The following SMG5 variants were observed in gnomAD, a reference collection of about 807,000 sequenced individuals.
The protein encoded by SMG5 is SMG5 nonsense mediated mRNA decay factor.
A neutral mutation model predicts 122.9 loss-of-function variants in SMG5; 53 were observed. The ratio of observed to expected loss-of-function variants is 0.43; its 90% CI spans 0.35 to 0.54. SMG5 has a LOEUF of 0.54. Among genes scored for constraint, SMG5 ranks in the 20% least tolerant of loss-of-function variants. The pLI, the probability that SMG5 is intolerant of heterozygous loss-of-function variation, is 0.01. For synonymous variants in SMG5, 477 were observed against 490.2 expected (o/e 0.97, Z 0.35); for missense variants, 1,153 against 1,285.6 (o/e 0.90, Z 1.58).
At chr1:156,272,282 C>G in intron 7 of SMG5, 38 bp downstream of exon 7, 2 of 1,552,922 alleles carry the variant, frequency 1.3e-6, no homozygotes, top group Non-Finnish European at 1.8e-6. Flanking sequence ...AATATGCACA[C>G]AAAAGCAGGG....
At chr1:156,276,639 T>C (rs1162229247) in intron 4 of SMG5, among the ~76,000 whole-genome samples, 2 of 152,238 alleles carry the variant, frequency 1.3e-5, no homozygotes, top group Admixed American at 6.5e-5. Flanking sequence ...ATTAAAATTA[T>C]AGCTGCCAGT....
At chr1:156,286,106 C>G, upstream of SMG5, 13 of 1,431,516 alleles carry the variant, frequency 9.1e-6, no homozygotes, top group South Asian at 1.0e-4. Flanking sequence ...CTCCCACCCC[C>G]TGCCAGTCTG....
At chr1:156,270,330 G>A (rs1558241965) in intron 7 of SMG5, among the ~76,000 whole-genome samples, 2 of 152,170 alleles carry the variant, frequency 1.3e-5, no homozygotes, top group Non-Finnish European at 2.9e-5. Flanking sequence ...CACTGTTGGA[G>A]CCTTGAGCCA....
At position 156,249,909 on chromosome 1, in the gene SMG5, C is replaced by T. The variant is rs1558229593; in HGVS notation, c.*678G>A. 4.2e-6 allele frequency: 2 copies of T among 471,194 alleles called. No individual in the cohort carries two copies. The highest frequency in any genetic ancestry group is 2.3e-5 in the Admixed American group (1 of 42,582). 29.2% of individuals were successfully genotyped at this position (471,194 alleles called of 1,614,324 possible). ...CCTGCTCCCTGCCCTGGAAGCTAGA[C>T]AGAGGGAGACACAAAGCAGAAGTGG... On this transcript the variant is annotated 3_prime_UTR_variant, in exon 22 of 22. Transcript: ENST00000361813.
chr1:156,258,925 G>A (rs181229440), intron 16 of SMG5, 80 bp downstream of exon 16: 18 of 1,555,784 alleles, frequency 1.2e-5, no homozygotes, highest in Middle Eastern at 1.7e-4. Flanking sequence ...GAGACCACCA[G>A]AGGGTCTGAG....
In SMG5 at chr1:156,282,622, G is replaced by A. The variant is rs769639682; in HGVS notation, c.59C>T (p.Thr20Ile). 43 of 1,609,092 alleles carry A rather than the reference G, an allele frequency of 2.7e-5. No homozygotes were observed. The highest frequency in any genetic ancestry group is 3.5e-5 in the Non-Finnish European group (41 of 1,179,696). Reference protein sequence around the residue: ...SSEPEAKVLHTKRLYRAVVEA... With the variant: ...SSEPEAKVLHIKRLYRAVVEA... ...CCCCTCTCACCGGTAAAGCCGCTTA[G>A]TGTGGAGGACTTTTGCTTCGGGCTC... Residue 20 changes from threonine to isoleucine, a missense_variant, in exon 1 of 22, where the codon ACT becomes ATT. Physicochemically the swap from Thr to Ile is moderately conservative, Grantham distance 89. Around this residue, in one of 5 missense-constraint regions of SMG5, gnomAD observed 213 missense variants for 197.5 expected, o/e 1.08. Transcript: ENST00000361813.
rs748631286 is a variant in SMG5, at chr1:156,250,885, G to T, written c.2940C>A (p.Asn980Lys). The T allele has an allele frequency of 6.2e-7, 1 of 1,613,968 alleles. No homozygotes were observed. Among genetic ancestry groups the T allele is most frequent in the Non-Finnish European group, 8.5e-7 (1 of 1,179,894 alleles). ...VTIITGLPLD[N>K]PSVLSGPMQA... ...GCATGGGGCCTGAAAGCACGCTGGG[G>T]TTGTCCAGTGGAAGGCCTGTGATGA... Residue 980 changes from asparagine (N) to lysine (K), a missense_variant, in exon 21 of 22, where the codon AAC (asparagine) becomes AAA (lysine). Physicochemically the swap from Asn to Lys is moderately conservative, Grantham distance 94. Around this residue, in one of 5 missense-constraint regions of SMG5, gnomAD observed 84 missense variants for 82.3 expected, o/e 1.02. Transcript: ENST00000361813.
chr1:156,274,666 C>G lies in SMG5; in HGVS notation c.475G>C (p.Ala159Pro). 1 of 1,613,900 alleles carries G rather than the reference C, an allele frequency of 6.2e-7. No homozygotes were observed. Among genetic ancestry groups the G allele is most frequent in the Non-Finnish European group, 8.5e-7 (1 of 1,179,842 alleles). Residue 159 changes from alanine to proline, a missense_variant, in exon 5 of 22, where the codon GCC becomes CCC. Ala to Pro is a conservative substitution (Grantham distance 27). Around this residue, in one of 5 missense-constraint regions of SMG5, gnomAD observed 213 missense variants for 197.5 expected, o/e 1.08. Coordinates refer to ENST00000361813, the MANE Select transcript of SMG5 (RefSeq NM_015327.3). ...PLIGCKKPVS[A>P]SGKEMDWAQM... ...GCCCAATCCATCTCCTTCCCTGAGG[C>G]AGACACTGGCTTCTTGCATCCTATG...
Position 156,279,695 on chromosome 1 carries a change from T to A in SMG5, c.75-661A>T, listed in dbSNP as rs182463751. Among the ~76,000 whole-genome samples, 189 of 152,298 alleles carry A rather than the reference T, an allele frequency of 1.2e-3. 1 individual carries two copies. Among genetic ancestry groups the A allele is most frequent in the African/African-American group, 4.3e-3 (180 of 41,546 alleles). On this transcript the variant is annotated intron_variant, in intron 1 of 21. Coordinates refer to ENST00000361813, the MANE Select transcript of SMG5 (RefSeq NM_015327.3). ...TAAATTATTACATAAGGCCTTATTATCCCTGACATAAAGGAAAGACACTTC... is the reference window on the plus strand; with the variant it reads ...TAAATTATTACATAAGGCCTTATTAACCCTGACATAAAGGAAAGACACTTC...
intron 5 of SMG5, among the ~76,000 whole-genome samples, chr1:156,274,177 A>C (rs948319990): frequency 1.3e-5 from 2 of 151,774 alleles, no homozygotes; most frequent in Non-Finnish European, 2.9e-5. Flanking sequence ...TATAAAGCAA[A>C]AGAGTACTTT....
In SMG5 at chr1:156,249,799, G is replaced by A. The variant is rs999857498; in HGVS notation, c.*788C>T. On this transcript the variant is annotated 3_prime_UTR_variant, in exon 22 of 22. Transcript: ENST00000361813. ...CATTCTGTCCCAGCACAGCAGCCAAGAGCACAAAGCACAGCACCTGTGGGG... is the reference window on the plus strand; with the variant it reads ...CATTCTGTCCCAGCACAGCAGCCAAAAGCACAAAGCACAGCACCTGTGGGG... 35 of 471,120 alleles carry A rather than the reference G, an allele frequency of 7.4e-5. No individual in the cohort carries two copies. Among genetic ancestry groups the A allele is most frequent in the Non-Finnish European group, 1.4e-4 (32 of 227,074 alleles). 29.2% of individuals were successfully genotyped at this position (471,120 alleles called of 1,614,324 possible).
intron 7 of SMG5, among the ~76,000 whole-genome samples, chr1:156,269,822 C>T (rs1219616783): frequency 6.6e-6 from 1 of 152,176 alleles, no homozygotes; most frequent in Non-Finnish European, 1.5e-5. Flanking sequence ...TTGCAGCGAG[C>T]TGAGATCGCG....
chr1:156,286,211 C>T (rs375273737), upstream of SMG5: 2 of 1,582,038 alleles, frequency 1.3e-6, no homozygotes, highest in Non-Finnish European at 1.7e-6. Flanking sequence ...GCCTCTTGTG[C>T]CCTTCCCCTG....
intron 7 of SMG5, among the ~76,000 whole-genome samples, chr1:156,271,463 A>G (rs1300630203): frequency 6.6e-6 from 1 of 152,018 alleles, no homozygotes; most frequent in Non-Finnish European, 1.5e-5. Flanking sequence ...CATTCCAGGT[A>G]AAGTATTCTG....
chr1:156,285,942 C>A (rs770055232), upstream of SMG5: 20 of 1,612,442 alleles, frequency 1.2e-5, no homozygotes, highest in Middle Eastern at 1.6e-4. Context: ...CTGATCTACA[C>A]ACTGCGCTGC....
intron 16 of SMG5, 137 bp from the exon 17 acceptor site, chr1:156,253,645 GGGA>G: frequency 1.3e-6 from 1 of 765,344 alleles, no homozygotes; most frequent in Non-Finnish European, 2.3e-6. Flanking sequence ...GCTGAATGAG[GGGA>G]GGAGAGGCAT....
At chr1:156,272,254 G>A (rs752498186) in intron 7 of SMG5, 66 bp downstream of exon 7, 27 of 1,424,896 alleles carry the variant, frequency 1.9e-5, no homozygotes, top group Middle Eastern at 1.7e-4. Context: ...AAGGGAAGAC[G>A]GAAAACAAAG....
At position 156,263,475 on chromosome 1, in the gene SMG5, C is replaced by T. The variant is rs765159037; in HGVS notation, c.1951G>A (p.Ala651Thr). Residue 651 changes from alanine to threonine, a missense_variant, in exon 13 of 22, where the codon GCC becomes ACC. Around this residue, in one of 5 missense-constraint regions of SMG5, gnomAD observed 631 missense variants for 650.6 expected, o/e 0.97. Transcript: ENST00000361813. ...TTCACAGCAGGAAGCAGACCTTCGG[C>T]CATCAGGACCTGAAGCTTCTCCTGG... ...SIQEKLQVLM[A>T]EGLLPAVKVF... 20 of 1,614,268 alleles carry T rather than the reference C, an allele frequency of 1.2e-5. No homozygotes were observed. The East Asian group carries it at 1.3e-4, about 11-fold the overall frequency.
intron 13 of SMG5, among the ~76,000 whole-genome samples, 172 bp from the exon 14 acceptor site, chr1:156,261,580 C>CA (rs1661841325): frequency 6.6e-6 from 1 of 151,970 alleles, no homozygotes; most frequent in Non-Finnish European, 1.5e-5. Context: ...CTTGTCTCTA[C>CA]AAAAAACACA....
Sources: gnomAD v4.1 joint callset for allele counts (sites outside exome capture counted in the v4.1 genomes callset) on GRCh38, gnomAD v4.1.1 for gene constraint, gnomAD v4.1.1 regional missense constraint, MANE v1.5 for transcripts, NCBI Gene and HGNC (gene_info 2026-07-23, HGNC 2026-07-21) for gene names.